The following ABCB1 variants were observed in gnomAD, a reference collection of about 807,000 sequenced individuals.
ABCB1 encodes ATP-dependent translocase ABCB1.
Under a neutral mutation model 142.0 loss-of-function variants are expected in ABCB1, and 69 were observed. The ratio of observed to expected loss-of-function variants is 0.49; its 90% CI spans 0.40 to 0.59. The LOEUF (loss-of-function observed/expected upper bound fraction) is 0.59, where lower values mean the gene tolerates loss of function less well. ABCB1 is among the 20% of genes least tolerant of loss of function. ABCB1 has a pLI of 0.00. For synonymous variants in ABCB1, 532 were observed against 539.2 expected, an observed-to-expected ratio of 0.99 and a Z score of 0.18; for missense variants, 1,326 against 1,554.7, an observed-to-expected ratio of 0.85 and a Z score of 2.47.
intron 1 of ABCB1, chr7:87,693,958 G>A (rs935115096): frequency 5.6e-6 from 9 of 1,611,640 alleles, no homozygotes; most frequent in Non-Finnish European, 7.6e-6. Context: ...ACCTCTTCAA[G>A]GTACTCTATG....
At chr7:87,542,019 G>C (rs1312143365) in intron 17 of ABCB1, among the ~76,000 whole-genome samples, 1 of 152,178 alleles carries the variant, frequency 6.6e-6, no homozygotes, top group Non-Finnish European at 1.5e-5. Context: ...TTTTTCCAGA[G>C]ATAGTTATAA....
intron 17 of ABCB1, among the ~76,000 whole-genome samples, chr7:87,542,193 T>TAAC (rs956080232): frequency 6.6e-6 from 1 of 152,010 alleles, no homozygotes; most frequent in Non-Finnish European, 1.5e-5. Context: ...AACAAACAAA[T>TAAC]AACAACAACA....
intron 20 of ABCB1, among the ~76,000 whole-genome samples, chr7:87,533,160 C>T (rs1396433491): frequency 1.3e-5 from 2 of 152,242 alleles, no homozygotes; most frequent in East Asian, 3.9e-4. Context: ...CAGCTCTCTG[C>T]ATTTCACATC....
intron 4 of ABCB1, among the ~76,000 whole-genome samples, chr7:87,585,028 C>T (rs1475110811): frequency 6.6e-6 from 1 of 151,724 alleles, no homozygotes; most frequent in East Asian, 1.9e-4. Flanking sequence ...CAACATATAA[C>T]AATGTCCAAA....
chr7:87,558,264 C>T (rs985693749), intron 8 of ABCB1, among the ~76,000 whole-genome samples: 2 of 152,176 alleles, frequency 1.3e-5, no homozygotes, highest in African/African-American at 4.8e-5. Context: ...TAAGATGGCA[C>T]TGACTGTTAG....
At chr7:87,537,585 G>A (rs919777540) in intron 19 of ABCB1, among the ~76,000 whole-genome samples, 3 of 152,138 alleles carry the variant, frequency 2.0e-5, no homozygotes, top group Admixed American at 1.3e-4. Flanking sequence ...AAGGCTGGTG[G>A]GGAGGGGAAG....
chr7:87,704,475 A>G (rs946708297), intron 1 of ABCB1, among the ~76,000 whole-genome samples: 1 of 152,254 alleles, frequency 6.6e-6, no homozygotes, highest in Non-Finnish European at 1.5e-5. Context: ...TACAAAAAGT[A>G]ATTAAGAAGT....
intron 1 of ABCB1, among the ~76,000 whole-genome samples, chr7:87,640,179 T>TAC (rs1491458153): frequency 6.7e-6 from 1 of 148,644 alleles, no homozygotes; most frequent in African/African-American, 2.5e-5. Context: ...AAAACATACT[T>TAC]ATATATATAT....
intron 8 of ABCB1, among the ~76,000 whole-genome samples, chr7:87,555,654 C>T (rs1303812647): frequency 5.3e-5 from 8 of 152,152 alleles, no homozygotes. Context: ...AAATGTAAAT[C>T]CTCAACTTGC....
chr7:87,709,301 T>C, intron 1 of ABCB1: 1 of 985,290 alleles, frequency 1.0e-6, no homozygotes, highest in Non-Finnish European at 1.2e-6. Context: ...GGTGAAATTG[T>C]AGCCTTTTGA....
At chr7:87,613,077 A>G (rs376614663) in intron 1 of ABCB1, among the ~76,000 whole-genome samples, 2 of 146,232 alleles carry the variant, frequency 1.4e-5, no homozygotes, top group African/African-American at 2.5e-5. Flanking sequence ...CAGCTTGGTC[A>G]TTGGTGCATA....
chr7:87,661,813 A>G (rs1824743179), intron 1 of ABCB1, among the ~76,000 whole-genome samples: 1 of 151,906 alleles, frequency 6.6e-6, no homozygotes, highest in Admixed American at 6.6e-5. Context: ...TTTAAGTTTT[A>G]TGAGAAACCC....
intron 21 of ABCB1, chr7:87,522,382 C>T: frequency 1.4e-6 from 1 of 708,722 alleles, no homozygotes; most frequent in Non-Finnish European, 2.6e-6. Flanking sequence ...GTTCCAGTAG[C>T]AGCAGTAGCT....
chr7:87,535,272 C>T (rs1425435481), intron 20 of ABCB1, among the ~76,000 whole-genome samples: 2 of 152,004 alleles, frequency 1.3e-5, no homozygotes, highest in African/African-American at 4.8e-5. Context: ...GGATATAATG[C>T]TGACCTTAAC....
intron 1 of ABCB1, among the ~76,000 whole-genome samples, chr7:87,658,513 A>G (rs577337640): frequency 6.6e-6 from 1 of 152,346 alleles, no homozygotes; most frequent in East Asian, 1.9e-4. Flanking sequence ...AGCAAGAGAC[A>G]TAAGCAAACA....
At chr7:87,605,125 A>G (rs944514039), upstream of ABCB1, among the ~76,000 whole-genome samples, 3 of 152,092 alleles carry the variant, frequency 2.0e-5, no homozygotes, top group African/African-American at 7.2e-5. Flanking sequence ...GCCATGAACT[A>G]TCTCCCTTAT....
At position 87,550,809 on chromosome 7, in the gene ABCB1, A is replaced by G; in HGVS notation, c.1029T>C (p.Phe343=). 6.2e-7 allele frequency: 1 copy of G among 1,613,058 alleles called. No homozygotes were observed. Among genetic ancestry groups the G allele is most frequent in the Non-Finnish European group, 8.5e-7 (1 of 1,179,030 alleles). ...TVFFSVLIGA[F]SVGQASPSIE... ...TGCTTGGAGATGCCTGTCCAACACT[A>G]AAAGCCCCAATTAATACAGAAAAGA... The change falls in exon 10 of 28, where the codon TTT becomes TTC. Residue 343 remains phenylalanine, a synonymous_variant. Transcript: ENST00000622132.
At position 87,563,788 on chromosome 7, in the gene ABCB1, T is replaced by TA. The variant is rs903155238; in HGVS notation, c.702+2281dup. Among the ~76,000 whole-genome samples the TA allele has an allele frequency of 3.3e-4, 48 of 147,008 alleles. 1 individual carries two copies. The highest frequency in any genetic ancestry group is 2.4e-3 in the South Asian group (11 of 4,662). ...AAATGCCCATCAATGATAGACTGGA[T>TA]AAAAAAAAAATGTGGTACATAGACA... On this transcript the variant is annotated intron_variant, in intron 7 of 27. Transcript: ENST00000622132.
intron 6 of ABCB1, 63 bp downstream of exon 6, chr7:87,566,722 A>G: frequency 1.3e-6 from 2 of 1,485,484 alleles, no homozygotes; most frequent in Non-Finnish European, 1.9e-6. Context: ...ATGTGATGAC[A>G]TCTATTTCAT....
Sources: gnomAD v4.1 joint callset for allele counts (sites outside exome capture counted in the v4.1 genomes callset) on GRCh38, gnomAD v4.1.1 for gene constraint, MANE v1.5 for transcripts, NCBI Gene and HGNC (gene_info 2026-07-23, HGNC 2026-07-21) for gene names.